Variants in GK5 observed in about 807,000 individuals in gnomAD.
The protein encoded by GK5 is ATP:glycerol 3-phosphotransferase 5.
In GK5, 39 loss-of-function variants were observed where a neutral mutation model predicts 77.3. The observed-to-expected ratio is 0.50, with a 90% confidence interval of 0.39 to 0.66. The LOEUF is 0.66. Among genes scored for constraint, GK5 ranks in the 30% least tolerant of loss-of-function variants. The pLI is 0.00. For synonymous variants in GK5, 211 were observed against 208.0 expected (o/e 1.01, Z -0.13); for missense variants, 487 against 633.8 (o/e 0.77, Z 2.49).
At chr3:142,175,666 C>T (rs1043481908) in intron 12 of GK5, among the ~76,000 whole-genome samples, 1 of 152,066 alleles carries the variant, frequency 6.6e-6, no homozygotes, top group African/African-American at 2.4e-5. Flanking sequence ...ACATGACCTA[C>T]GGTCAACCTA....
chr3:142,190,477 G>T (rs2063833378), intron 5 of GK5, among the ~76,000 whole-genome samples: 1 of 152,168 alleles, frequency 6.6e-6, no homozygotes, highest in Non-Finnish European at 1.5e-5. Context: ...TAAGGAGAAT[G>T]GAGCAGAAAT....
In GK5 at chr3:142,162,521, A is replaced by G. The variant is rs910243738; in HGVS notation, c.*3101T>C. On this transcript the variant is annotated 3_prime_UTR_variant, in exon 16 of 16. Transcript: ENST00000392993. ...GAAAAAATCAGTATGTCTATAGTAT[A>G]AAAGCAATTAGTAGCACTTTAAGAT... is the stretch of plus-strand genomic sequence containing the variant. 1.3e-5 allele frequency: 2 copies of G among 152,242 alleles called. No individual in the cohort carries two copies. The highest frequency in any genetic ancestry group is 2.9e-5 in the Non-Finnish European group (2 of 68,042). 9.4% of individuals were successfully genotyped at this position (152,242 alleles called of 1,614,324 possible).
intron 11 of GK5, among the ~76,000 whole-genome samples, 156 bp downstream of exon 11, chr3:142,181,305 A>G (rs556658124): frequency 6.6e-6 from 1 of 152,126 alleles, no homozygotes; most frequent in South Asian, 2.1e-4. Context: ...TACCATTTCG[A>G]TATCATAAAA....
chr3:142,169,382 C>T (rs2063508925), intron 15 of GK5, among the ~76,000 whole-genome samples: 1 of 152,184 alleles, frequency 6.6e-6, no homozygotes. Context: ...TCTGATCAAC[C>T]TCGATATCTC....
At chr3:142,171,397 A>G in intron 14 of GK5, 22 bp downstream of exon 14, 1 of 1,468,810 alleles carries the variant, frequency 6.8e-7, no homozygotes, top group Non-Finnish European at 9.1e-7. Context: ...AATTAAGTCT[A>G]TTAGAAATAA....
intron 15 of GK5, among the ~76,000 whole-genome samples, chr3:142,169,666 GTTCT>G (rs1272781827): frequency 1.6e-5 from 2 of 128,580 alleles, no homozygotes; most frequent in African/African-American, 6.1e-5. Flanking sequence ...CCACCTTACT[GTTCT>G]TTTTTTTTTT....
At chr3:142,222,892 C>T (rs1312857028) in intron 1 of GK5, among the ~76,000 whole-genome samples, 1 of 152,150 alleles carries the variant, frequency 6.6e-6, no homozygotes, top group Non-Finnish European at 1.5e-5. Flanking sequence ...TTTCTAAATG[C>T]TTAGTTTTCT....
At chr3:142,169,816 G>C (rs1013861112) in intron 15 of GK5, among the ~76,000 whole-genome samples, 1 of 151,948 alleles carries the variant, frequency 6.6e-6, no homozygotes, top group Non-Finnish European at 1.5e-5. Context: ...GGGATTACAG[G>C]CATGTGCCAC....
intron 5 of GK5, among the ~76,000 whole-genome samples, chr3:142,190,363 C>CA (rs1202655250): frequency 2.7e-5 from 4 of 150,256 alleles, no homozygotes; most frequent in Admixed American, 6.6e-5. Context: ...TACATCCTCA[C>CA]AAAAAAAAAG....
intron 12 of GK5, among the ~76,000 whole-genome samples, chr3:142,177,041 A>G (rs2063624564): frequency 6.6e-6 from 1 of 152,180 alleles, no homozygotes; most frequent in Non-Finnish European, 1.5e-5. Flanking sequence ...ATGTGTGTGC[A>G]TATGTGTGTG....
intron 15 of GK5, 53 bp downstream of exon 15, chr3:142,170,272 C>T: frequency 6.3e-7 from 1 of 1,583,664 alleles, no homozygotes; most frequent in Non-Finnish European, 8.7e-7. Context: ...GAAATGCTAT[C>T]TGTAAGGAAG....
intron 4 of GK5, among the ~76,000 whole-genome samples, chr3:142,199,160 C>T (rs901231457): frequency 6.6e-6 from 1 of 151,920 alleles, no homozygotes; most frequent in Non-Finnish European, 1.5e-5. Flanking sequence ...TTAGCAAATA[C>T]CAGATGCTCA....
intron 13 of GK5, 65 bp downstream of exon 13, chr3:142,172,288 G>A: frequency 1.3e-6 from 1 of 743,628 alleles, no homozygotes; most frequent in Non-Finnish European, 2.3e-6. Flanking sequence ...CCATTTAGTA[G>A]CAAATTAATG....
At chr3:142,215,530 G>A in intron 2 of GK5, 69 bp downstream of exon 2, 1 of 767,660 alleles carries the variant, frequency 1.3e-6, no homozygotes, top group Non-Finnish European at 2.1e-6. Context: ...CACAACTACA[G>A]AAGCCTGAGG....
At chr3:142,187,823 T>C in intron 5 of GK5, 44 bp from the exon 6 acceptor site, 2 of 1,399,596 alleles carry the variant, frequency 1.4e-6, no homozygotes, top group Non-Finnish European at 1.0e-6. Flanking sequence ...AAGGCTAAAT[T>C]ACTAAGTGCA....
rs2063408704 is a variant in GK5, at chr3:142,159,605, T to C, written c.*6017A>G. 6.6e-6 allele frequency: 1 copy of C among 151,216 alleles called. No individual in the cohort carries two copies. Among genetic ancestry groups the C allele is most frequent in the South Asian group, 2.1e-4 (1 of 4,800 alleles). The allele number at this position is 151,216 out of a possible 1,614,324, so 9.4% of individuals were successfully genotyped here. On this transcript the variant is annotated 3_prime_UTR_variant, in exon 16 of 16. Transcript: ENST00000392993. Reference sequence around the variant, plus strand: ...GCCAATAGATGCTGGTGCCAAAATATTTATGGCTATGAGGCTTCAAAACTT... The same window carrying C: ...GCCAATAGATGCTGGTGCCAAAATACTTATGGCTATGAGGCTTCAAAACTT...
rs757760611 is a variant in GK5, at chr3:142,213,615, T to C, written c.242-14A>G. The C allele has an allele frequency of 6.4e-7, 1 of 1,557,902 alleles. No individual in the cohort carries two copies. Among genetic ancestry groups the C allele is most frequent in the Non-Finnish European group, 8.9e-7 (1 of 1,129,028 alleles). ...GTATTCCTGCAGCTAAAAGTAAAGA[T>C]GGATAAAACACATGTTTTAAAGCCA... On this transcript the variant is annotated splice_polypyrimidine_tract_variant and intron_variant, in intron 2 of 15. Transcript: ENST00000392993.
intron 5 of GK5, among the ~76,000 whole-genome samples, chr3:142,194,992 T>C (rs1361501143): frequency 6.6e-6 from 1 of 151,912 alleles, no homozygotes; most frequent in Non-Finnish European, 1.5e-5. Context: ...AACTATTAAG[T>C]ATGGTGTCGG....
In GK5 at chr3:142,159,082, C is replaced by T. The variant is rs1028977570; in HGVS notation, c.*6540G>A. The stretch of plus-strand genomic sequence containing the variant: ...GCTCATTAAGCAAACATTTAGTGAT[C>T]ATATCTCACTGCAGCCTCGAACTCC... On this transcript the variant is annotated 3_prime_UTR_variant, in exon 16 of 16. Transcript: ENST00000392993. 19 of 152,244 alleles carry T rather than the reference C, an allele frequency of 1.2e-4. No homozygotes were observed. The highest frequency in any genetic ancestry group is 3.9e-4 in the African/African-American group (16 of 41,534). 9.4% of individuals were successfully genotyped at this position (152,244 alleles called of 1,614,324 possible). A position where few individuals can be genotyped will look rare whatever the true frequency, so the allele number is the denominator to read the frequency against.
Sources: gnomAD v4.1 joint callset for allele counts (sites outside exome capture counted in the v4.1 genomes callset) on GRCh38, gnomAD v4.1.1 for gene constraint, MANE v1.5 for transcripts, NCBI Gene and HGNC (gene_info 2026-07-23, HGNC 2026-07-21) for gene names.